Variants in DOK5 observed in about 807,000 individuals in gnomAD.
The protein encoded by DOK5 is docking protein 5.
A neutral mutation model predicts 43.3 loss-of-function variants in DOK5; 27 were observed. That is an observed-to-expected ratio of 0.62 (90% CI 0.46 to 0.86). The LOEUF (loss-of-function observed/expected upper bound fraction) is 0.86. Ranked by LOEUF, DOK5 falls within the 40% of genes least tolerant of loss-of-function variation. The pLI, the probability that DOK5 is intolerant of heterozygous loss-of-function variation, is 0.00. For missense variants in DOK5, 373 were observed against 392.9 expected (o/e 0.95, Z 0.43); for synonymous variants, 146 against 140.1 (o/e 1.04, Z -0.30).
At chr20:54,480,923 A>G (rs1981645277) in intron 1 of DOK5, among the ~76,000 whole-genome samples, 1 of 113,516 alleles carries the variant, frequency 8.8e-6, no homozygotes, top group South Asian at 2.2e-4. Context: ...CTATCTATCT[A>G]TCAATCATCT....
Position 54,629,880 on chromosome 20 carries a change from C to T in DOK5, c.736-13578C>T, listed in dbSNP as rs565897197. Among the ~76,000 whole-genome samples, 8 of 152,306 alleles carry T rather than the reference C, an allele frequency of 5.3e-5. No individual in the cohort carries two copies. In the South Asian group the frequency reaches 1.7e-3, roughly 32 times the overall value. On this transcript the variant is annotated intron_variant, in intron 6 of 7. Coordinates refer to ENST00000262593, the MANE Select transcript of DOK5 (RefSeq NM_018431.5). ...TGCCAAAGCCCTGAGGCAGTCTGTG[C>T]TTTGCGTGTGCATGTGCAAAGAGGT...
At chr20:54,618,788 C>A (rs1469544204) in intron 6 of DOK5, among the ~76,000 whole-genome samples, 1 of 151,642 alleles carries the variant, frequency 6.6e-6, no homozygotes, top group Non-Finnish European at 1.5e-5. Flanking sequence ...GAGGCCAAGG[C>A]AGGAGGATTG....
intron 6 of DOK5, among the ~76,000 whole-genome samples, chr20:54,624,832 A>T (rs908351182): frequency 1.8e-4 from 27 of 152,182 alleles, no homozygotes; most frequent in Admixed American, 1.6e-3. Flanking sequence ...AACATGCTGC[A>T]CTTGGAAATT....
chr20:54,646,196 T>TA (rs1033507081), intron 7 of DOK5, among the ~76,000 whole-genome samples: 7 of 149,672 alleles, frequency 4.7e-5, no homozygotes, highest in Admixed American at 4.0e-4. Flanking sequence ...TATACTTCTT[T>TA]AAAAAAAGCA....
intron 6 of DOK5, among the ~76,000 whole-genome samples, chr20:54,633,473 G>A (rs746639515): frequency 6.6e-5 from 10 of 152,246 alleles, no homozygotes; most frequent in Non-Finnish European, 1.0e-4. Flanking sequence ...CTTTGCCCAT[G>A]TTTTGTGCTT....
intron 1 of DOK5, among the ~76,000 whole-genome samples, chr20:54,532,195 C>T (rs1216940543): frequency 2.6e-5 from 4 of 152,122 alleles, no homozygotes; most frequent in Non-Finnish European, 5.9e-5. Flanking sequence ...TTGACCCTCT[C>T]GACAACCCAG....
rs1979345407 is a variant in DOK5 at position 54,645,116 on chromosome 20, T to C, written c.856+1538T>C. Among the ~76,000 whole-genome samples, 4 of 149,288 alleles carry C rather than the reference T, an allele frequency of 2.7e-5. No individual in the cohort carries two copies. The South Asian group carries it at 8.4e-4, about 31-fold the overall frequency. On this transcript the variant is annotated intron_variant, in intron 7 of 7. Coordinates refer to ENST00000262593, the MANE Select transcript of DOK5 (RefSeq NM_018431.5). ...TCCGCGCAAAAAAACTCTTTAATGA[T>C]GAGGTACAAGACCACCAAACTGGAA...
chr20:54,607,196 G>A (rs150275247), intron 5 of DOK5, among the ~76,000 whole-genome samples: 77 of 152,278 alleles, frequency 5.1e-4, no homozygotes, highest in African/African-American at 1.8e-3. Flanking sequence ...TACCTTGGAC[G>A]CGTATTTCCC....
intron 2 of DOK5, among the ~76,000 whole-genome samples, chr20:54,557,988 A>G (rs1984771338): frequency 6.6e-6 from 1 of 152,244 alleles, no homozygotes; most frequent in African/African-American, 2.4e-5. Flanking sequence ...AGAATCTAAC[A>G]CATAGTGAAC....
intron 1 of DOK5, among the ~76,000 whole-genome samples, chr20:54,536,151 A>C (rs564750030): frequency 6.6e-6 from 1 of 152,356 alleles, no homozygotes; most frequent in African/African-American, 2.4e-5. Context: ...ATGCAGACAA[A>C]TCAGTAAGCA....
intron 5 of DOK5, among the ~76,000 whole-genome samples, chr20:54,606,516 G>T (rs989497893): frequency 6.6e-6 from 1 of 152,222 alleles, no homozygotes; most frequent in Admixed American, 6.5e-5. Flanking sequence ...ACGAGAAGCA[G>T]ACATGGCTGT....
At chr20:54,621,284 G>C (rs984617432) in intron 6 of DOK5, among the ~76,000 whole-genome samples, 2 of 150,856 alleles carry the variant, frequency 1.3e-5, no homozygotes. Context: ...TTAAATCATG[G>C]CTATATAATA....
chr20:54,504,031 C>A (rs961924474), intron 1 of DOK5, among the ~76,000 whole-genome samples: 2 of 152,196 alleles, frequency 1.3e-5, no homozygotes, highest in Non-Finnish European at 2.9e-5. Context: ...GTTGTCCATG[C>A]CACCCTGGTG....
intron 2 of DOK5, among the ~76,000 whole-genome samples, chr20:54,572,743 T>G (rs1185243874): frequency 6.6e-6 from 1 of 152,190 alleles, no homozygotes; most frequent in Non-Finnish European, 1.5e-5. Context: ...ATTAGATCTT[T>G]CCCTTTGTAT....
intron 1 of DOK5, among the ~76,000 whole-genome samples, chr20:54,525,302 A>G (rs1173532282): frequency 6.6e-6 from 1 of 152,224 alleles, no homozygotes; most frequent in Non-Finnish European, 1.5e-5. Flanking sequence ...AAATGGGAAT[A>G]TACTAATTGG....
intron 2 of DOK5, among the ~76,000 whole-genome samples, chr20:54,563,041 G>A (rs936950750): frequency 1.8e-4 from 27 of 152,316 alleles, no homozygotes; most frequent in Non-Finnish European, 3.1e-4. Context: ...AGAAAGCCAT[G>A]TGAAGACAGG....
At chr20:54,531,973 A>G (rs1456716410) in intron 1 of DOK5, among the ~76,000 whole-genome samples, 2 of 152,114 alleles carry the variant, frequency 1.3e-5, no homozygotes, top group Admixed American at 1.3e-4. Flanking sequence ...TGTGGATGAG[A>G]GGGGCCTCTC....
At chr20:54,589,403 A>T (rs574866479) in intron 4 of DOK5, among the ~76,000 whole-genome samples, 2 of 152,376 alleles carry the variant, frequency 1.3e-5, no homozygotes, top group East Asian at 3.9e-4. Context: ...AATTAAAAAA[A>T]TACATATTTT....
rs770109660 is a variant in DOK5, at chr20:54,591,777, A to G, written c.571A>G (p.Thr191Ala). ...LSALRRYGRDTTWFTFEAGRM... is the reference protein window; with the variant it reads ...LSALRRYGRDATWFTFEAGRM... ...CGCCCTGCGGCGGTATGGACGTGAT[A>G]CTACGTGGTTCACTTTTGAGGCAGG... Residue 191 changes from threonine (T) to alanine (A), a missense_variant, in exon 5 of 8, where the codon ACT (threonine) becomes GCT (alanine). Physicochemically the swap from Thr to Ala is moderately conservative, Grantham distance 58. Transcript: ENST00000262593. 3.8e-5 allele frequency: 61 copies of G among 1,612,766 alleles called. No homozygotes were observed. Among genetic ancestry groups the G allele is most frequent in the Non-Finnish European group, 4.4e-5 (52 of 1,179,752 alleles).
Sources: gnomAD v4.1 joint callset for allele counts (sites outside exome capture counted in the v4.1 genomes callset) on GRCh38, gnomAD v4.1.1 for gene constraint, MANE v1.5 for transcripts, NCBI Gene and HGNC (gene_info 2026-07-23, HGNC 2026-07-21) for gene names.